The following CNTN4 variants were observed in gnomAD, a reference collection of about 807,000 sequenced individuals.
The protein encoded by CNTN4 is contactin 4.
In CNTN4, 77 loss-of-function variants were observed where a neutral mutation model predicts 122.5. The ratio of observed to expected loss-of-function variants is 0.63; its 90% CI spans 0.52 to 0.76. The LOEUF is 0.76. CNTN4 is among the 30% of genes least tolerant of loss of function. The probability of loss-of-function intolerance (pLI) is 0.00; values close to 1 mark genes in which losing one functional copy is unlikely to be tolerated. For missense variants in CNTN4, 1,256 were observed against 1,259.1 expected, an observed-to-expected ratio of 1.00 and a Z score of 0.04; for synonymous variants, 512 against 447.0, an observed-to-expected ratio of 1.15 and a Z score of -1.83.
chr3:2,582,560 G>A (rs2616580), intron 4 of CNTN4, among the ~76,000 whole-genome samples: 68,323 of 151,930 alleles, frequency 0.45, 16,078 homozygotes, highest in Middle Eastern at 0.54. Flanking sequence ...TAGAGAAAAG[G>A]AATAAAGCAC....
At chr3:2,745,474 A>T in intron 5 of CNTN4, 48 bp from the exon 6 acceptor site, 3 of 1,403,234 alleles carry the variant, frequency 2.1e-6, no homozygotes, top group Non-Finnish European at 3.0e-6. Context: ...ATTCAGAAAT[A>T]TTGATTAATA....
intron 4 of CNTN4, among the ~76,000 whole-genome samples, chr3:2,721,440 G>T (rs1413838207): frequency 6.6e-6 from 1 of 152,104 alleles, no homozygotes; most frequent in African/African-American, 2.4e-5. Flanking sequence ...ATACAGTGTG[G>T]GTTGGGGAAC....
At chr3:3,047,277 C>A (rs1179246494) in intron 23 of CNTN4, among the ~76,000 whole-genome samples, 1 of 152,080 alleles carries the variant, frequency 6.6e-6, no homozygotes, top group Non-Finnish European at 1.5e-5. Flanking sequence ...CCAAGCAGAC[C>A]TAATAGACAT....
At chr3:3,000,347 G>A (rs1268614985) in intron 14 of CNTN4, among the ~76,000 whole-genome samples, 1 of 142,868 alleles carries the variant, frequency 7.0e-6, no homozygotes, top group Non-Finnish European at 1.5e-5. Flanking sequence ...AGGAACAGCT[G>A]TAGAAACTGA....
chr3:2,103,181 CTTTT>C (rs200002968), intron 2 of CNTN4, among the ~76,000 whole-genome samples: 1 of 141,162 alleles, frequency 7.1e-6, no homozygotes. Flanking sequence ...TTTTTAACAG[CTTTT>C]TTTTTTTTTG....
chr3:2,804,587 T>C (rs1484572373), intron 6 of CNTN4, among the ~76,000 whole-genome samples: 1 of 152,206 alleles, frequency 6.6e-6, no homozygotes, highest in African/African-American at 2.4e-5. Flanking sequence ...AATACTACTA[T>C]TCAACCTACA....
chr3:2,479,041 T>C (rs2075911153), intron 3 of CNTN4, among the ~76,000 whole-genome samples: 1 of 152,198 alleles, frequency 6.6e-6, no homozygotes, highest in African/African-American at 2.4e-5. Context: ...CTTTTTCCTT[T>C]TCCCAGCAGG....
At chr3:2,558,340 A>G (rs559103479) in intron 3 of CNTN4, among the ~76,000 whole-genome samples, 48 of 152,328 alleles carry the variant, frequency 3.2e-4, no homozygotes, top group Middle Eastern at 3.4e-3. Flanking sequence ...CATTGTTTAT[A>G]GCATTCATTT....
At chr3:2,609,233 G>A (rs577602091) in intron 4 of CNTN4, among the ~76,000 whole-genome samples, 180 of 152,314 alleles carry the variant, frequency 1.2e-3, no homozygotes, top group Non-Finnish European at 2.1e-3. Context: ...ATTAAGTCAC[G>A]AAGGATGTGC....
chr3:2,907,185 G>C (rs764971829), intron 12 of CNTN4, among the ~76,000 whole-genome samples: 2 of 152,114 alleles, frequency 1.3e-5, no homozygotes, highest in African/African-American at 4.8e-5. Context: ...GGCTCTTTTG[G>C]ATCAAATAAC....
chr3:2,469,963 G>T (rs913127971), intron 3 of CNTN4, among the ~76,000 whole-genome samples: 4 of 152,122 alleles, frequency 2.6e-5, no homozygotes, highest in Admixed American at 6.6e-5. Flanking sequence ...ATCTTTTAAA[G>T]AAATGGTTTT....
chr3:2,263,675 AATT>A (rs1401913494), intron 2 of CNTN4, among the ~76,000 whole-genome samples: 1 of 151,850 alleles, frequency 6.6e-6, no homozygotes, highest in African/African-American at 2.4e-5. Flanking sequence ...ATAGACAATA[AATT>A]ATTGTTAATT....
At chr3:2,773,383 C>A (rs1176931502) in intron 6 of CNTN4, among the ~76,000 whole-genome samples, 1 of 152,050 alleles carries the variant, frequency 6.6e-6, no homozygotes, top group South Asian at 2.1e-4. Context: ...AAGTTTTATT[C>A]AATGATATAT....
chr3:2,282,749 G>A (rs919179172), intron 2 of CNTN4, among the ~76,000 whole-genome samples: 3 of 152,116 alleles, frequency 2.0e-5, no homozygotes, highest in Non-Finnish European at 4.4e-5. Flanking sequence ...CAACTCAAAT[G>A]TTCATCAACT....
At chr3:2,708,640 G>A (rs530807254) in intron 4 of CNTN4, among the ~76,000 whole-genome samples, 5 of 151,300 alleles carry the variant, frequency 3.3e-5, no homozygotes, top group Non-Finnish European at 5.9e-5. Context: ...CTTAAATCTG[G>A]AGACCTTCAT....
At chr3:2,400,684 A>G (rs2046825984) in intron 3 of CNTN4, among the ~76,000 whole-genome samples, 1 of 150,702 alleles carries the variant, frequency 6.6e-6, no homozygotes, top group African/African-American at 2.4e-5. Context: ...AGCCATGACT[A>G]TTATAATTTT....
At chr3:2,229,935 G>A (rs1158031504) in intron 2 of CNTN4, among the ~76,000 whole-genome samples, 2 of 152,170 alleles carry the variant, frequency 1.3e-5, no homozygotes, top group Non-Finnish European at 1.5e-5. Context: ...TGTTTGATGA[G>A]TGAATGCATG....
At chr3:2,790,245 G>T (rs1436347022) in intron 6 of CNTN4, among the ~76,000 whole-genome samples, 1 of 152,188 alleles carries the variant, frequency 6.6e-6, no homozygotes, top group East Asian at 1.9e-4. Flanking sequence ...CCTGGATGAG[G>T]TTCCCTCTTC....
intron 3 of CNTN4, among the ~76,000 whole-genome samples, chr3:2,377,806 T>C (rs1303984094): frequency 6.6e-6 from 1 of 152,150 alleles, no homozygotes; most frequent in Admixed American, 6.5e-5. Context: ...TTATTGTTAG[T>C]GTTAGTGTAT....
Sources: allele counts gnomAD v4.1 joint callset (sites outside exome capture counted in the v4.1 genomes callset), GRCh38; gene constraint gnomAD v4.1.1; transcripts MANE v1.5; gene names NCBI Gene and HGNC (gene_info 2026-07-23, HGNC 2026-07-21).